FUCA2: variants seen among roughly 807,000 people sequenced by gnomAD.
FUCA2 encodes the protein plasma alpha-L-fucosidase.
FUCA2 carries 41 observed loss-of-function variants against 52.6 expected under a neutral mutation model. The ratio of observed to expected loss-of-function variants is 0.78; its 90% CI spans 0.61 to 1.01. FUCA2 has a LOEUF of 1.01. FUCA2 is among the 50% of genes least tolerant of loss of function. The pLI is 0.00. For missense variants in FUCA2, 507 were observed against 569.5 expected (o/e 0.89, Z 1.12); for synonymous variants, 211 against 217.3 (o/e 0.97, Z 0.26).
rs779323884 is a variant in FUCA2, at chr6:143,504,131, T to C, written c.534A>G (p.Gly178=). ...AIRNRTDLRF[G]LYYSLFEWFH... ...ACCATTCAAAAAGGGAATAGTACAG[T>C]CCAAAACGCAGGTCAGTTCTGTTCC... Residue 178 remains glycine (G), a synonymous_variant, in exon 3 of 7, where the codon GGA becomes GGG. Transcript: ENST00000002165. The surrounding 1 kb of genome is among the most constrained non-coding windows in gnomAD (Gnocchi z 4.4). 5 of 1,614,038 alleles carry C rather than the reference T, an allele frequency of 3.1e-6. No individual in the cohort carries two copies. The Admixed American group carries it at 8.3e-5, about 27-fold the overall frequency.
At position 143,497,107 on chromosome 6, in the gene FUCA2, G is replaced by A. The variant is rs879497547; in HGVS notation, c.1263+282C>T. On this transcript the variant is annotated intron_variant, in intron 6 of 6. Transcript: ENST00000002165. The surrounding 1 kb of genome is among the most constrained non-coding windows in gnomAD (Gnocchi z 5.3). ...CCTGAGTAACTAGGACTACAGGTGC[G>A]TGCCACCATGCTCAGCTAACTTTAA... is the stretch of plus-strand genomic sequence containing the variant. 1.0e-4 allele frequency: 33 copies of A among 317,026 alleles called. No individual in the cohort carries two copies. The highest frequency in any genetic ancestry group is 1.4e-4 in the South Asian group (4 of 27,954). 19.6% of individuals were successfully genotyped at this position (317,026 alleles called of 1,614,324 possible). A position where few individuals can be genotyped will look rare whatever the true frequency, so the allele number is the denominator to read the frequency against.
rs1780548220 is a variant in FUCA2 at position 143,502,778 on chromosome 6, C to T, written c.753-213G>A. ...TAGCTCCCAGACCTAGAGCAAATTACCTGACTCCTCTGAATAATGAATTTC... is the reference window on the plus strand; with the variant it reads ...TAGCTCCCAGACCTAGAGCAAATTATCTGACTCCTCTGAATAATGAATTTC... On this transcript the variant is annotated intron_variant, in intron 3 of 6. Coordinates refer to ENST00000002165, the MANE Select transcript of FUCA2 (RefSeq NM_032020.5). The surrounding 1 kb of genome is among the most constrained non-coding windows in gnomAD (Gnocchi z 4.1). 2.0e-6 allele frequency: 1 copy of T among 502,858 alleles called. No individual in the cohort carries two copies. Among genetic ancestry groups the T allele is most frequent in the East Asian group, 3.2e-5 (1 of 31,168 alleles). 31.1% of individuals were successfully genotyped at this position (502,858 alleles called of 1,614,324 possible).
At chr6:143,508,049 T>A (rs932991982) in intron 1 of FUCA2, among the ~76,000 whole-genome samples, 5 of 152,218 alleles carry the variant, frequency 3.3e-5, no homozygotes, top group Non-Finnish European at 7.3e-5. Context: ...ACATAAGTGA[T>A]TAGGGCTTCT....
In FUCA2 at chr6:143,497,660, C is replaced by T. The variant is rs1780476904; in HGVS notation, c.1155-163G>A. ...AGCCTCATGGTGGTATAAAAAAACACCTTCCTCCCCCAAGACCAAAAGGAA... is the reference window on the plus strand; with the variant it reads ...AGCCTCATGGTGGTATAAAAAAACATCTTCCTCCCCCAAGACCAAAAGGAA... On this transcript the variant is annotated intron_variant, in intron 5 of 6. Transcript: ENST00000002165. The surrounding 1 kb of genome is among the most constrained non-coding windows in gnomAD (Gnocchi z 5.3). Among the ~76,000 whole-genome samples, 1 of 152,140 alleles carries T rather than the reference C, an allele frequency of 6.6e-6. No homozygotes were observed. Among genetic ancestry groups the T allele is most frequent in the Non-Finnish European group, 1.5e-5 (1 of 68,016 alleles).
At position 143,497,508 on chromosome 6, in the gene FUCA2, GAAAA is replaced by G; in HGVS notation, c.1155-15_1155-12del. The G allele has an allele frequency of 6.7e-7, 1 of 1,498,494 alleles. No individual in the cohort carries two copies. The highest frequency in any genetic ancestry group is 9.3e-7 in the Non-Finnish European group (1 of 1,080,468). The allele number at this position is 1,498,494 out of a possible 1,614,324, so 92.8% of individuals were successfully genotyped here. A position where few individuals can be genotyped will look rare whatever the true frequency, so the allele number is the denominator to read the frequency against. On this transcript the variant is annotated splice_polypyrimidine_tract_variant and intron_variant, in intron 5 of 6. Transcript: ENST00000002165. This position sits in a 1 kb window ranked among gnomAD's most constrained non-coding sequence, Gnocchi z 5.3. ...GGCTTGGATGTGTACCTGGTTAAAA[GAAAA>G]AAATAAAGAGCATAGTAGCAAGTTA...
At chr6:143,508,503 G>C (rs572391806) in intron 1 of FUCA2, among the ~76,000 whole-genome samples, 1 of 152,352 alleles carries the variant, frequency 6.6e-6, no homozygotes, top group Non-Finnish European at 1.5e-5. Flanking sequence ...CAGGCATGCT[G>C]TTTGCCTGCC....
Position 143,502,058 on chromosome 6 carries a change from C to A in FUCA2, c.1028G>T (p.Gly343Val). Residue 343 changes from glycine to valine, a missense_variant, in exon 5 of 7, where the codon GGC (glycine) becomes GTC (valine). Coordinates refer to ENST00000002165, the MANE Select transcript of FUCA2 (RefSeq NM_032020.5). The surrounding 1 kb of genome is among the most constrained non-coding windows in gnomAD (Gnocchi z 4.1). The stretch of plus-strand genomic sequence containing the variant: ...CTCCTCAAAAACTACAGAAATGGTG[C>A]CATCTAGTGTGGGCCCAATATTCAT... ...LLMNIGPTLD[G>V]TISVVFEERL... 1.9e-6 allele frequency: 3 copies of A among 1,613,788 alleles called. No homozygotes were observed. In the South Asian group the frequency reaches 3.3e-5, roughly 18 times the overall value.
intron 2 of FUCA2, chr6:143,505,789 C>T (rs1317062845): frequency 2.0e-5 from 3 of 152,136 alleles, no homozygotes; most frequent in Non-Finnish European, 2.9e-5. Flanking sequence ...AATATCACCA[C>T]CATAAGCTTA....
chr6:143,507,738 T>C lies in FUCA2; in HGVS notation c.225-314A>G, dbSNP rs1341314092. 1.3e-5 allele frequency among the ~76,000 whole-genome samples: 2 copies of C among 152,246 alleles called. No individual in the cohort carries two copies. The highest frequency in any genetic ancestry group is 2.4e-5 in the African/African-American group (1 of 41,548). On this transcript the variant is annotated intron_variant, in intron 1 of 6. Coordinates refer to ENST00000002165, the MANE Select transcript of FUCA2 (RefSeq NM_032020.5). This position sits in a 1 kb window ranked among gnomAD's most constrained non-coding sequence, Gnocchi z 4.5. ...AGGTTGGAATGCAGTAATGGAATCA[T>C]GGTTCACTGCAACCTTGACCTCCTG...
At position 143,497,642 on chromosome 6, in the gene FUCA2, T is replaced by C. The variant is rs558612535; in HGVS notation, c.1155-145A>G. 2.5e-5 allele frequency: 14 copies of C among 561,444 alleles called. No homozygotes were observed. The East Asian group carries it at 3.9e-4, about 16-fold the overall frequency. 34.8% of individuals were successfully genotyped at this position (561,444 alleles called of 1,614,324 possible). A position where few individuals can be genotyped will look rare whatever the true frequency, so the allele number is the denominator to read the frequency against. ...TAGAAGGGAAGGAAAAATAGCCTCA[T>C]GGTGGTATAAAAAAACACCTTCCTC... is the stretch of plus-strand genomic sequence containing the variant. On this transcript the variant is annotated intron_variant, in intron 5 of 6. Coordinates refer to ENST00000002165, the MANE Select transcript of FUCA2 (RefSeq NM_032020.5). This position sits in a 1 kb window ranked among gnomAD's most constrained non-coding sequence, Gnocchi z 5.3.
chr6:143,507,219 T>C lies in FUCA2; in HGVS notation c.412+18A>G. 6.4e-7 allele frequency: 1 copy of C among 1,558,698 alleles called. No individual in the cohort carries two copies. Among genetic ancestry groups the C allele is most frequent in the Non-Finnish European group, 8.6e-7 (1 of 1,161,208 alleles). On this transcript the variant is annotated intron_variant, in intron 2 of 6. Transcript: ENST00000002165. The surrounding 1 kb of genome is among the most constrained non-coding windows in gnomAD (Gnocchi z 4.5). ...TCTTAACCATTGTCAGCAATTTCCATAGGCTGGATTGACTTACCTTCATGA... is the reference window on the plus strand; with the variant it reads ...TCTTAACCATTGTCAGCAATTTCCACAGGCTGGATTGACTTACCTTCATGA...
At position 143,507,338 on chromosome 6, in the gene FUCA2, C is replaced by T. The variant is rs1489616762; in HGVS notation, c.311G>A (p.Gly104Glu). ...AAAAAATTTTGCTGTAAATAGTGGT[C>T]CAAAATCTTCATATTTGAAACTAGG... ...YPPSFKYEDF[G>E]PLFTAKFFNA... The change falls in exon 2 of 7, where the codon GGA becomes GAA. Residue 104 changes from glycine (G) to glutamate (E), a missense_variant. By Grantham distance (98) the Gly-to-Glu change is moderately conservative. Transcript: ENST00000002165. This position sits in a 1 kb window ranked among gnomAD's most constrained non-coding sequence, Gnocchi z 4.5. 6.2e-7 allele frequency: 1 copy of T among 1,608,638 alleles called. No individual in the cohort carries two copies. Among genetic ancestry groups the T allele is most frequent in the African/African-American group, 1.3e-5 (1 of 74,520 alleles).
rs961613966 is a variant in FUCA2 at position 143,509,822 on chromosome 6, C to T, written c.224+1589G>A. On this transcript the variant is annotated intron_variant, in intron 1 of 6. Transcript: ENST00000002165. The surrounding 1 kb of genome is among the most constrained non-coding windows in gnomAD (Gnocchi z 5.4). Reference sequence around the variant, plus strand: ...ATAGCTTATCCAGTTTTATTTTTTACATCAATTGACCTACCAATAAGAAAG... The same window carrying T: ...ATAGCTTATCCAGTTTTATTTTTTATATCAATTGACCTACCAATAAGAAAG... Among the ~76,000 whole-genome samples the T allele has an allele frequency of 6.6e-6, 1 of 152,148 alleles. No homozygotes were observed. Among genetic ancestry groups the T allele is most frequent in the Non-Finnish European group, 1.5e-5 (1 of 68,012 alleles).
In FUCA2 at chr6:143,497,841, T is replaced by C. The variant is rs2128421483; in HGVS notation, c.1155-344A>G. Among the ~76,000 whole-genome samples the C allele has an allele frequency of 6.6e-6, 1 of 152,322 alleles. No individual in the cohort carries two copies. Among genetic ancestry groups the C allele is most frequent in the South Asian group, 2.1e-4 (1 of 4,826 alleles). On this transcript the variant is annotated intron_variant, in intron 5 of 6. Transcript: ENST00000002165. The surrounding 1 kb of genome is among the most constrained non-coding windows in gnomAD (Gnocchi z 5.3). ...TCAAATTTTTATATTCATTCATTCATTCAACAAGACAAGATATGCATGTGT... is the reference window on the plus strand; with the variant it reads ...TCAAATTTTTATATTCATTCATTCACTCAACAAGACAAGATATGCATGTGT...
Position 143,499,327 on chromosome 6 carries a change from C to T in FUCA2, c.1155-1830G>A, listed in dbSNP as rs142662494. Among the ~76,000 whole-genome samples, 195 of 152,214 alleles carry T rather than the reference C, an allele frequency of 1.3e-3. 1 individual carries two copies. Among genetic ancestry groups the T allele is most frequent in the African/African-American group, 4.3e-3 (178 of 41,540 alleles). ...CAGCACTTTGGGAGGCCAAGGCAAG[C>T]GGGTCACCTGAGGTCAGGAGTTCGA... On this transcript the variant is annotated intron_variant, in intron 5 of 6. Coordinates refer to ENST00000002165, the MANE Select transcript of FUCA2 (RefSeq NM_032020.5). This position sits in a 1 kb window ranked among gnomAD's most constrained non-coding sequence, Gnocchi z 6.0.
At position 143,511,370 on chromosome 6, in the gene FUCA2, G is replaced by C. The variant is rs540133278; in HGVS notation, c.224+41C>G. ...GTGGTGGCTGGAGGCTGCGGGTGGG[G>C]ACAAAAGCGCGGCAGACGAGACAAA... On this transcript the variant is annotated intron_variant, in intron 1 of 6. Coordinates refer to ENST00000002165, the MANE Select transcript of FUCA2 (RefSeq NM_032020.5). The surrounding 1 kb of genome is among the most constrained non-coding windows in gnomAD (Gnocchi z 6.3). 2 of 1,547,876 alleles carry C rather than the reference G, an allele frequency of 1.3e-6. No homozygotes were observed. Among genetic ancestry groups the C allele is most frequent in the African/African-American group, 2.8e-5 (2 of 72,704 alleles).
In FUCA2 at chr6:143,503,724, C is replaced by G; in HGVS notation, c.752+189G>C. 1.9e-6 allele frequency: 1 copy of G among 515,164 alleles called. No individual in the cohort carries two copies. The highest frequency in any genetic ancestry group is 3.2e-5 in the South Asian group (1 of 31,116). 31.9% of individuals were successfully genotyped at this position (515,164 alleles called of 1,614,324 possible). ...TCAGACCATTGAGTTGGATTTTACTCCTGATTTATTTACCCTTGATTATGT... is the reference window on the plus strand; with the variant it reads ...TCAGACCATTGAGTTGGATTTTACTGCTGATTTATTTACCCTTGATTATGT... On this transcript the variant is annotated intron_variant, in intron 3 of 6. Transcript: ENST00000002165. The surrounding 1 kb of genome is among the most constrained non-coding windows in gnomAD (Gnocchi z 4.8).
chr6:143,509,153 C>T lies in FUCA2; in HGVS notation c.225-1729G>A, dbSNP rs760448779. Among the ~76,000 whole-genome samples, 59 of 152,314 alleles carry T rather than the reference C, an allele frequency of 3.9e-4. No individual in the cohort carries two copies. Among genetic ancestry groups the T allele is most frequent in the Non-Finnish European group, 6.8e-4 (46 of 68,028 alleles). ...CCTGCACTGTCCCCTACAGTCTAGA[C>T]TTGAATTTCATGCTGAGAGATGAAA... On this transcript the variant is annotated intron_variant, in intron 1 of 6. Coordinates refer to ENST00000002165, the MANE Select transcript of FUCA2 (RefSeq NM_032020.5). This position sits in a 1 kb window ranked among gnomAD's most constrained non-coding sequence, Gnocchi z 5.4.
Position 143,501,226 on chromosome 6 carries a change from A to G in FUCA2, c.1154+706T>C, listed in dbSNP as rs1468651501. The stretch of plus-strand genomic sequence containing the variant: ...TGTCCAGATTGCCTTACTCCATTTT[A>G]TTCAATGGGTTGTTAATGTTTTAAG... On this transcript the variant is annotated intron_variant, in intron 5 of 6. Coordinates refer to ENST00000002165, the MANE Select transcript of FUCA2 (RefSeq NM_032020.5). This position sits in a 1 kb window ranked among gnomAD's most constrained non-coding sequence, Gnocchi z 6.1. Among the ~76,000 whole-genome samples, 2 of 152,194 alleles carry G rather than the reference A, an allele frequency of 1.3e-5. No homozygotes were observed. The highest frequency in any genetic ancestry group is 6.5e-5 in the Admixed American group (1 of 15,280).
Sources: allele counts gnomAD v4.1 joint callset (sites outside exome capture counted in the v4.1 genomes callset), GRCh38; gene constraint gnomAD v4.1.1; non-coding constraint Gnocchi (gnomAD v3.1); transcripts MANE v1.5; gene names NCBI Gene and HGNC (gene_info 2026-07-23, HGNC 2026-07-21).